The following POC1B variants were observed in gnomAD, a reference collection of about 807,000 sequenced individuals.
The protein encoded by POC1B is POC1 centriolar protein B.
In POC1B, 44 loss-of-function variants were observed where a neutral mutation model predicts 60.6. The observed-to-expected ratio is 0.73, with a 90% CI of 0.57 to 0.93. POC1B has a LOEUF of 0.93. Ranked by LOEUF, POC1B falls within the 40% of genes least tolerant of loss-of-function variation. The pLI is 0.00. For synonymous variants in POC1B, 180 were observed against 198.9 expected, an observed-to-expected ratio of 0.90 and a Z score of 0.80; for missense variants, 555 against 572.3, an observed-to-expected ratio of 0.97 and a Z score of 0.31.
At chr12:89,447,039 T>C (rs915101620) in intron 10 of POC1B, among the ~76,000 whole-genome samples, 8 of 152,218 alleles carry the variant, frequency 5.3e-5, no homozygotes, top group African/African-American at 1.7e-4. Context: ...TAGCACTTTG[T>C]AGGATAAATG....
chr12:89,442,096 G>A (rs780971916), intron 10 of POC1B, among the ~76,000 whole-genome samples: 4 of 152,250 alleles, frequency 2.6e-5, no homozygotes, highest in South Asian at 2.1e-4. Flanking sequence ...CAAGAAATAC[G>A]GGACTATGTG....
At chr12:89,475,039 G>A (rs1485411708) in intron 4 of POC1B, among the ~76,000 whole-genome samples, 1 of 152,146 alleles carries the variant, frequency 6.6e-6, no homozygotes, top group African/African-American at 2.4e-5. Flanking sequence ...GAATGAGACT[G>A]GCAAGATCCC....
At chr12:89,503,301 G>T (rs1036824940) in intron 2 of POC1B, among the ~76,000 whole-genome samples, 8 of 152,248 alleles carry the variant, frequency 5.3e-5, no homozygotes, top group Non-Finnish European at 7.3e-5. Flanking sequence ...TTTTTTGGTG[G>T]AGACGGGGTT....
At chr12:89,401,980 C>T in the POC1B span, among the ~76,000 whole-genome samples, 55 of 152,278 alleles carry the variant, frequency 3.6e-4, no homozygotes, top group African/African-American at 1.2e-3. Flanking sequence ...TTTCATGTGA[C>T]TACCACTAGT....
intron 3 of POC1B, among the ~76,000 whole-genome samples, chr12:89,494,040 C>CTTAT (rs962446215): frequency 6.6e-6 from 1 of 151,946 alleles, no homozygotes; most frequent in Non-Finnish European, 1.5e-5. Context: ...CTATTCTTTT[C>CTTAT]TTATTTATTT....
chr12:89,463,638 T>C (rs887835775), intron 9 of POC1B, among the ~76,000 whole-genome samples: 2 of 152,212 alleles, frequency 1.3e-5, no homozygotes, highest in African/African-American at 4.8e-5. Flanking sequence ...TGTTTTTAAT[T>C]AAGATGGAGT....
intron 4 of POC1B, among the ~76,000 whole-genome samples, chr12:89,473,700 C>G (rs186472239): frequency 7.4e-6 from 1 of 134,548 alleles, no homozygotes; most frequent in African/African-American, 2.7e-5. Context: ...AAGAAAATAA[C>G]CTTTCAAGGA....
At chr12:89,495,226 T>C (rs1869185785) in intron 3 of POC1B, among the ~76,000 whole-genome samples, 1 of 152,194 alleles carries the variant, frequency 6.6e-6, no homozygotes, top group African/African-American at 2.4e-5. Context: ...TTCACTGAGA[T>C]TTCCTTGAAT....
chr12:89,483,421 T>C (rs1014087356), intron 4 of POC1B, among the ~76,000 whole-genome samples: 3 of 152,162 alleles, frequency 2.0e-5, no homozygotes, highest in African/African-American at 7.2e-5. Context: ...TCTTTATTAG[T>C]AGTGTGAGAA....
chr12:89,453,704 C>T (rs939918295), intron 10 of POC1B, among the ~76,000 whole-genome samples: 3 of 152,196 alleles, frequency 2.0e-5, no homozygotes, highest in African/African-American at 7.2e-5. Context: ...TTCACATACA[C>T]TGTGTTCTTT....
intron 2 of POC1B, among the ~76,000 whole-genome samples, chr12:89,509,279 A>C (rs1870055990): frequency 6.6e-6 from 1 of 152,206 alleles, no homozygotes; most frequent in Non-Finnish European, 1.5e-5. Context: ...TTTGACTCTC[A>C]AATTGTTCCA....
At chr12:89,457,774 T>A (rs1260741195) in intron 10 of POC1B, among the ~76,000 whole-genome samples, 1 of 152,182 alleles carries the variant, frequency 6.6e-6, no homozygotes, top group South Asian at 2.1e-4. Context: ...TGGATAATAA[T>A]TTTACTCTTC....
chr12:89,482,648 C>T (rs534906253), intron 4 of POC1B, among the ~76,000 whole-genome samples: 2 of 152,214 alleles, frequency 1.3e-5, no homozygotes, highest in Non-Finnish European at 1.5e-5. Context: ...AACTAAAAGA[C>T]AATAGAATGA....
intron 11 of POC1B, among the ~76,000 whole-genome samples, chr12:89,422,782 C>A (rs963591695): frequency 2.0e-5 from 3 of 152,136 alleles, no homozygotes; most frequent in Non-Finnish European, 4.4e-5. Flanking sequence ...AGAGTTCATA[C>A]AGGAAAGGCA....
Position 89,419,867 on chromosome 12 carries a change from C to T in POC1B, c.*1286G>A, listed in dbSNP as rs141616562. On this transcript the variant is annotated 3_prime_UTR_variant, in exon 12 of 12. Transcript: ENST00000313546. ...GTAAGCTCTTGAAAATGTCCAGAAG[C>T]TCACACTTAGTATGATATTAAAAGG... 6.6e-6 allele frequency: 1 copy of T among 152,102 alleles called. No homozygotes were observed. Among genetic ancestry groups the T allele is most frequent in the Admixed American group, 6.6e-5 (1 of 15,264 alleles). 9.4% of individuals were successfully genotyped at this position (152,102 alleles called of 1,614,324 possible).
At chr12:89,493,998 T>G (rs1024240762) in intron 3 of POC1B, among the ~76,000 whole-genome samples, 5 of 152,242 alleles carry the variant, frequency 3.3e-5, no homozygotes, top group African/African-American at 2.4e-5. Flanking sequence ...TGACCAACTC[T>G]GAGCCAGACT....
chr12:89,452,142 C>G (rs962738075), intron 10 of POC1B, among the ~76,000 whole-genome samples: 6 of 152,152 alleles, frequency 3.9e-5, no homozygotes, highest in Non-Finnish European at 7.3e-5. Flanking sequence ...GGGCTGAGAG[C>G]TGTCGGGCAT....
the POC1B span, among the ~76,000 whole-genome samples, chr12:89,406,770 A>G: frequency 6.6e-6 from 1 of 151,950 alleles, no homozygotes; most frequent in Non-Finnish European, 1.5e-5. Context: ...GCCATGGGAA[A>G]CTACATGCCC....
intron 10 of POC1B, among the ~76,000 whole-genome samples, chr12:89,432,321 G>A (rs1165137230): frequency 3.4e-5 from 5 of 148,552 alleles, no homozygotes; most frequent in African/African-American, 1.2e-4. Context: ...GGGAGGTGGA[G>A]GTTGCAGTGA....
Sources: allele counts gnomAD v4.1 joint callset (sites outside exome capture counted in the v4.1 genomes callset), GRCh38; gene constraint gnomAD v4.1.1; transcripts MANE v1.5; gene names NCBI Gene and HGNC (gene_info 2026-07-23, HGNC 2026-07-21).